The following HPSE variants were observed in gnomAD, a reference collection of about 807,000 sequenced individuals.
HPSE encodes endo-glucoronidase.
A neutral mutation model predicts 65.1 loss-of-function variants in HPSE; 48 were observed. That is an observed-to-expected ratio of 0.74 (90% confidence interval 0.58 to 0.94). The LOEUF is 0.94. HPSE is among the 40% of genes least tolerant of loss of function. HPSE has a pLI of 0.00. For synonymous variants in HPSE, 243 were observed against 260.0 expected, an observed-to-expected ratio of 0.93 and a Z score of 0.63; for missense variants, 644 against 637.5, an observed-to-expected ratio of 1.01 and a Z score of -0.11.
chr4:83,296,930 G>A (rs1431467104), intron 11 of HPSE, among the ~76,000 whole-genome samples: 2 of 152,098 alleles, frequency 1.3e-5, no homozygotes, highest in Non-Finnish European at 2.9e-5. Context: ...CATGTATACA[G>A]TCATATGCCA....
intron 4 of HPSE, among the ~76,000 whole-genome samples, chr4:83,312,203 T>C (rs1736407642): frequency 6.6e-6 from 1 of 152,294 alleles, no homozygotes; most frequent in South Asian, 2.1e-4. Context: ...CAAGGGAACT[T>C]TGGAGCTGGG....
intron 10 of HPSE, among the ~76,000 whole-genome samples, 183 bp from the exon 11 acceptor site, chr4:83,301,289 G>A (rs946848129): frequency 1.5e-4 from 23 of 152,016 alleles, no homozygotes; most frequent in African/African-American, 4.8e-4. Flanking sequence ...GTTTTAGACC[G>A]CTAGTGTGCT....
rs61751211 is a variant in HPSE at position 83,302,273 on chromosome 4, T to C, written c.1207-5A>G. 0.011 allele frequency: 17,171 copies of C among 1,585,596 alleles called. 135 individuals are homozygous for C. Among genetic ancestry groups the C allele is most frequent in the Middle Eastern group, 0.017 (101 of 6,006 alleles). On this transcript the variant is annotated splice_polypyrimidine_tract_variant and splice_region_variant and intron_variant, in intron 9 of 11. Transcript: ENST00000311412. ...CAGAAGAGATAGCCAATAATCCTAG[T>C]TGTGGTGGTTGGGGAGAAAGAGACA...
intron 9 of HPSE, 103 bp from the exon 10 acceptor site, chr4:83,302,371 C>T: frequency 1.4e-6 from 1 of 705,024 alleles, no homozygotes; most frequent in Non-Finnish European, 2.5e-6. Context: ...CAAAGAGTAT[C>T]ACTGTTATCC....
intron 3 of HPSE, among the ~76,000 whole-genome samples, chr4:83,314,268 AC>A (rs1736539275): frequency 1.9e-5 from 1 of 52,754 alleles, no homozygotes; most frequent in Non-Finnish European, 3.8e-5. Context: ...AAAAAAAAAA[AC>A]AAAAAAACAA....
intron 11 of HPSE, among the ~76,000 whole-genome samples, chr4:83,296,228 C>T (rs1394681069): frequency 2.0e-5 from 3 of 152,046 alleles, no homozygotes; most frequent in African/African-American, 4.8e-5. Flanking sequence ...TTCACAGGAG[C>T]GAATCAATAT....
chr4:83,334,415 C>T (rs897896879), intron 1 of HPSE, 141 bp downstream of exon 1: 3 of 914,562 alleles, frequency 3.3e-6, no homozygotes, highest in South Asian at 1.8e-5. Flanking sequence ...GAATGAGAGG[C>T]GGGAAGTGGG....
At chr4:83,317,255 C>G (rs1426626045) in intron 3 of HPSE, among the ~76,000 whole-genome samples, 3 of 152,190 alleles carry the variant, frequency 2.0e-5, no homozygotes. Flanking sequence ...ATGTCCTTAT[C>G]TCAGCAGCCT....
chr4:83,313,616 T>C lies in HPSE; in HGVS notation c.500-329A>G, dbSNP rs1467139467. 3.9e-5 allele frequency among the ~76,000 whole-genome samples: 6 copies of C among 152,340 alleles called. No individual in the cohort carries two copies. In the East Asian group the frequency reaches 1.2e-3, roughly 29 times the overall value. ...CTCCACATGCATAGCCAGACTGTCA[T>C]TAGTTAGCATAAACCCCACTCTTCA... is the stretch of plus-strand genomic sequence containing the variant. On this transcript the variant is annotated intron_variant, in intron 3 of 11. Coordinates refer to ENST00000311412, the MANE Select transcript of HPSE (RefSeq NM_001098540.3).
At position 83,292,520 on chromosome 4, in the gene HPSE, A is replaced by T. The variant is rs1376439972; in HGVS notation, c.*2824T>A. On this transcript the variant is annotated 3_prime_UTR_variant, in exon 12 of 12. Coordinates refer to ENST00000311412, the MANE Select transcript of HPSE (RefSeq NM_001098540.3). ...AAAATATAAAAACCACTTACATATAAAATTTAAGAGTATTGAAAGATCTAA... is the reference window on the plus strand; with the variant it reads ...AAAATATAAAAACCACTTACATATATAATTTAAGAGTATTGAAAGATCTAA... 2.0e-5 allele frequency: 3 copies of T among 152,218 alleles called. No homozygotes were observed. The highest frequency in any genetic ancestry group is 1.3e-4 in the Admixed American group (2 of 15,276). 9.4% of individuals were successfully genotyped at this position (152,218 alleles called of 1,614,324 possible).
At chr4:83,329,891 G>A (rs776180259) in intron 1 of HPSE, among the ~76,000 whole-genome samples, 3 of 152,052 alleles carry the variant, frequency 2.0e-5, no homozygotes, top group Non-Finnish European at 2.9e-5. Context: ...ACAGAGTGCC[G>A]TAAGCAGGAG....
chr4:83,320,906 T>C (rs1447656054), intron 2 of HPSE, among the ~76,000 whole-genome samples: 2 of 150,134 alleles, frequency 1.3e-5, no homozygotes, highest in East Asian at 3.9e-4. Context: ...GGGCCAAGTC[T>C]AAATAGAAAC....
In HPSE at chr4:83,295,465, T is replaced by A. The variant is rs1221262056; in HGVS notation, c.1511A>T (p.Asp504Val). 1 of 1,612,110 alleles carries A rather than the reference T, an allele frequency of 6.2e-7. No homozygotes were observed. The highest frequency in any genetic ancestry group is 8.5e-7 in the Non-Finnish European group (1 of 1,178,742). The stretch of plus-strand genomic sequence containing the variant: ...CATTAAAGGTGGCAAGGTTTGATCA[T>A]CCACCATCTTTAGAGTTAGACCATT... ...QLNGLTLKMV[D>V]DQTLPPLMEK... Residue 504 changes from aspartate to valine, a missense_variant, in exon 12 of 12, where the codon GAT becomes GTT. Asp to Val is a radical substitution (Grantham distance 152). Coordinates refer to ENST00000311412, the MANE Select transcript of HPSE (RefSeq NM_001098540.3).
chr4:83,306,879 G>C, intron 8 of HPSE, among the ~76,000 whole-genome samples: 1 of 152,126 alleles, frequency 6.6e-6, no homozygotes, highest in Non-Finnish European at 1.5e-5. Context: ...ATTGTTCCTG[G>C]GGATAACATC....
At chr4:83,297,396 T>A (rs1211426899) in intron 11 of HPSE, among the ~76,000 whole-genome samples, 1 of 152,020 alleles carries the variant, frequency 6.6e-6, no homozygotes, top group African/African-American at 2.4e-5. Context: ...AACTTGATTC[T>A]TCCCCCCACC....
chr4:83,299,506 A>G (rs1261215036), intron 11 of HPSE, among the ~76,000 whole-genome samples: 4 of 151,998 alleles, frequency 2.6e-5, no homozygotes, highest in Non-Finnish European at 5.9e-5. Context: ...TAGTTATAGT[A>G]AAATAAAGCA....
Position 83,310,748 on chromosome 4 carries a change from T to C in HPSE, c.816A>G (p.Arg272=), listed in dbSNP as rs1560508360. The stretch of plus-strand genomic sequence containing the variant: ...TCTTCAGCATCTTAGCCGTCTTTCT[T>C]CGAGGCTGACCAACATCAGGACCAT... The part of the protein sequence containing the change: ...KLYGPDVGQP[R]RKTAKMLKSF... Residue 272 remains arginine, a synonymous_variant, in exon 5 of 12, where the codon CGA becomes CGG. Transcript: ENST00000311412. 6.2e-7 allele frequency: 1 copy of C among 1,613,262 alleles called. No homozygotes were observed. Among genetic ancestry groups the C allele is most frequent in the African/African-American group, 1.3e-5 (1 of 74,834 alleles).
intron 3 of HPSE, among the ~76,000 whole-genome samples, chr4:83,313,663 C>A (rs1303622701): frequency 2.0e-5 from 3 of 152,094 alleles, no homozygotes; most frequent in Admixed American, 6.5e-5. Context: ...TCTCTAGTCA[C>A]AAGTTCAGTT....
In HPSE at chr4:83,293,282, A is replaced by T. The variant is rs191211943; in HGVS notation, c.*2062T>A. 1 of 152,344 alleles carries T rather than the reference A, an allele frequency of 6.6e-6. No homozygotes were observed. The highest frequency in any genetic ancestry group is 6.5e-5 in the Admixed American group (1 of 15,306). 9.4% of individuals were successfully genotyped at this position (152,344 alleles called of 1,614,324 possible). ...GAGACATGAGGAGAGGTTTGCTGTG[A>T]GAAGCTCTGAAAAAGAGTTATTCAA... On this transcript the variant is annotated 3_prime_UTR_variant, in exon 12 of 12. Transcript: ENST00000311412.
Sources: allele counts gnomAD v4.1 joint callset (sites outside exome capture counted in the v4.1 genomes callset), GRCh38; gene constraint gnomAD v4.1.1; transcripts MANE v1.5; gene names NCBI Gene and HGNC (gene_info 2026-07-23, HGNC 2026-07-21).